GLI3: variants seen among roughly 807,000 people sequenced by gnomAD.
GLI3 encodes transcription activator GLI3.
In GLI3, 20 loss-of-function variants were observed where a neutral mutation model predicts 100.8. The ratio of observed to expected loss-of-function variants is 0.20; its 90% CI spans 0.14 to 0.29. The LOEUF (loss-of-function observed/expected upper bound fraction) is 0.29. GLI3 is among the 10% of genes least tolerant of loss of function. The pLI is 1.00. For missense variants in GLI3, 2,040 were observed against 2,128.5 expected, an observed-to-expected ratio of 0.96 and a Z score of 0.82; for synonymous variants, 938 against 860.5, an observed-to-expected ratio of 1.09 and a Z score of -1.58.
chr7:42,121,031 C>T (rs911486628), intron 3 of GLI3, among the ~76,000 whole-genome samples: 1 of 152,226 alleles, frequency 6.6e-6, no homozygotes, highest in Non-Finnish European at 1.5e-5. Context: ...GCTCCTGCAT[C>T]TAAATTCCTG....
chr7:42,020,447 G>T (rs1562688586), intron 10 of GLI3, among the ~76,000 whole-genome samples: 1 of 152,160 alleles, frequency 6.6e-6, no homozygotes. Flanking sequence ...TGCTTTAGCA[G>T]GCAGTCGGGA....
intron 1 of GLI3, among the ~76,000 whole-genome samples, chr7:42,253,475 G>C (rs1405074119): frequency 6.6e-6 from 1 of 152,194 alleles, no homozygotes; most frequent in Non-Finnish European, 1.5e-5. Context: ...CCAGCCTGAG[G>C]CTACCAGCTT....
chr7:42,169,429 A>ATT (rs71562044), intron 2 of GLI3, among the ~76,000 whole-genome samples: 21 of 152,230 alleles, frequency 1.4e-4, no homozygotes, highest in African/African-American at 5.1e-4. Context: ...ACATGATGCT[A>ATT]TTTTTTTGTC....
chr7:42,035,074 C>G (rs1329861030), intron 7 of GLI3, among the ~76,000 whole-genome samples: 2 of 152,108 alleles, frequency 1.3e-5, no homozygotes, highest in African/African-American at 4.8e-5. Context: ...TAAATGAGAG[C>G]TATCTTTTTA....
chr7:42,100,809 C>G (rs1020354361), intron 3 of GLI3, among the ~76,000 whole-genome samples: 1 of 152,072 alleles, frequency 6.6e-6, no homozygotes, highest in African/African-American at 2.4e-5. Context: ...GGAAGAGAGG[C>G]AGAGAGTGAT....
chr7:42,202,053 G>T (rs551448129), intron 2 of GLI3, among the ~76,000 whole-genome samples: 1 of 134,510 alleles, frequency 7.4e-6, no homozygotes, highest in African/African-American at 2.8e-5. Flanking sequence ...CTGCACTCCA[G>T]CCTGGAGACA....
chr7:42,140,741 A>G (rs978682866), intron 3 of GLI3, among the ~76,000 whole-genome samples: 3 of 152,246 alleles, frequency 2.0e-5, no homozygotes, highest in Non-Finnish European at 4.4e-5. Flanking sequence ...TATGAGATCA[A>G]GAAAGCTAAG....
At chr7:42,004,525 GA>G (rs1305408138) in intron 10 of GLI3, among the ~76,000 whole-genome samples, 2 of 151,864 alleles carry the variant, frequency 1.3e-5, no homozygotes, top group African/African-American at 2.4e-5. Context: ...AATGCATACA[GA>G]AAAAAACTTC....
intron 4 of GLI3, among the ~76,000 whole-genome samples, chr7:42,063,877 G>A (rs747032164): frequency 1.3e-5 from 2 of 152,268 alleles, no homozygotes; most frequent in Non-Finnish European, 2.9e-5. Flanking sequence ...CAAAGTCTAT[G>A]TTTTTAAACC....
chr7:42,005,055 C>T (rs1163018129), intron 10 of GLI3, among the ~76,000 whole-genome samples: 2 of 152,068 alleles, frequency 1.3e-5, no homozygotes, highest in African/African-American at 2.4e-5. Flanking sequence ...ATGGCACATA[C>T]ATATGATGAA....
intron 1 of GLI3, among the ~76,000 whole-genome samples, chr7:42,262,996 C>T (rs940228841): frequency 3.3e-5 from 5 of 151,378 alleles, no homozygotes; most frequent in Admixed American, 3.3e-4. Flanking sequence ...TGGTCTTTGG[C>T]GAGAGCTATG....
At chr7:42,094,151 C>A (rs1785288011) in intron 3 of GLI3, among the ~76,000 whole-genome samples, 1 of 152,148 alleles carries the variant, frequency 6.6e-6, no homozygotes, top group Non-Finnish European at 1.5e-5. Flanking sequence ...CCCTTCAAAT[C>A]ATTGCTGGGT....
chr7:42,079,096 T>C (rs1784944708), intron 3 of GLI3, among the ~76,000 whole-genome samples: 1 of 152,208 alleles, frequency 6.6e-6, no homozygotes, highest in Non-Finnish European at 1.5e-5. Context: ...AGTTTACCAC[T>C]TAGTACTTAA....
At chr7:42,115,471 C>T (rs1753672224) in intron 3 of GLI3, among the ~76,000 whole-genome samples, 1 of 152,158 alleles carries the variant, frequency 6.6e-6, no homozygotes, top group Admixed American at 6.5e-5. Flanking sequence ...CTTCAAATTA[C>T]CACAGATTTT....
chr7:42,223,891 CT>C (rs1331280371), intron 1 of GLI3, among the ~76,000 whole-genome samples: 1 of 152,200 alleles, frequency 6.6e-6, no homozygotes, highest in Non-Finnish European at 1.5e-5. Flanking sequence ...AAGCTATACT[CT>C]TTAACCTCTT....
At chr7:42,045,149 T>C (rs1784219401) in intron 6 of GLI3, among the ~76,000 whole-genome samples, 1 of 152,212 alleles carries the variant, frequency 6.6e-6, no homozygotes, top group Non-Finnish European at 1.5e-5. Flanking sequence ...CAATTACAAT[T>C]GCCTGCATCT....
intron 2 of GLI3, among the ~76,000 whole-genome samples, chr7:42,182,092 C>T (rs551578273): frequency 2.0e-5 from 3 of 152,144 alleles, no homozygotes; most frequent in African/African-American, 7.2e-5. Flanking sequence ...CCAGGAATCT[C>T]TTGGATTCTA....
chr7:42,187,139 A>G (rs866675521), intron 2 of GLI3, among the ~76,000 whole-genome samples: 71 of 150,468 alleles, frequency 4.7e-4, no homozygotes, highest in African/African-American at 1.7e-3. Context: ...TGAGCCTGGG[A>G]GGTTGAGGCT....
At chr7:42,214,862 T>TAAAAAA (rs34437341) in intron 2 of GLI3, among the ~76,000 whole-genome samples, 1 of 119,026 alleles carries the variant, frequency 8.4e-6, no homozygotes, top group African/African-American at 3.3e-5. Context: ...CACTGGATGC[T>TAAAAAA]AAAAAAAAAA....
Sources: gnomAD v4.1 joint callset for allele counts (sites outside exome capture counted in the v4.1 genomes callset) on GRCh38, gnomAD v4.1.1 for gene constraint, MANE v1.5 for transcripts, NCBI Gene and HGNC (gene_info 2026-07-23, HGNC 2026-07-21) for gene names.